ADAMTS6: variants seen among roughly 807,000 people sequenced by gnomAD.
ADAMTS6 encodes the protein A disintegrin and metalloproteinase with thrombospondin motifs 6.
A neutral mutation model predicts 144.3 loss-of-function variants in ADAMTS6; 23 were observed. The ratio of observed to expected loss-of-function variants is 0.16; its 90% CI spans 0.11 to 0.23. The LOEUF is 0.23. ADAMTS6 is among the 10% of genes least tolerant of loss of function. ADAMTS6 has a pLI of 1.00. For missense variants in ADAMTS6, 999 were observed against 1,379.6 expected, an observed-to-expected ratio of 0.72 and a Z score of 4.37; for synonymous variants, 444 against 457.5, an observed-to-expected ratio of 0.97 and a Z score of 0.38.
intron 10 of ADAMTS6, among the ~76,000 whole-genome samples, chr5:65,298,568 G>A (rs916307884): frequency 1.3e-4 from 20 of 152,168 alleles, no homozygotes; most frequent in Middle Eastern, 3.4e-3. Context: ...TATTAAGAAC[G>A]ACCAAAAGAT....
At chr5:65,354,367 A>G (rs890634246) in intron 7 of ADAMTS6, among the ~76,000 whole-genome samples, 1 of 151,754 alleles carries the variant, frequency 6.6e-6, no homozygotes, top group Non-Finnish European at 1.5e-5. Flanking sequence ...TGGGGAAAAT[A>G]ATGGCTACTA....
intron 9 of ADAMTS6, among the ~76,000 whole-genome samples, chr5:65,313,888 T>C (rs928706004): frequency 2.0e-5 from 3 of 152,214 alleles, no homozygotes; most frequent in East Asian, 1.9e-4. Flanking sequence ...TTAGCAATTA[T>C]TGACAGAATA....
chr5:65,234,078 C>CA (rs3078364), intron 15 of ADAMTS6, among the ~76,000 whole-genome samples: 2,199 of 90,104 alleles, frequency 0.024, 43 homozygotes, highest in African/African-American at 0.062. Flanking sequence ...TGGTCACGTG[C>CA]AAAAAAAAAA....
At chr5:65,336,032 G>A (rs1439639574) in intron 7 of ADAMTS6, among the ~76,000 whole-genome samples, 2 of 152,068 alleles carry the variant, frequency 1.3e-5, no homozygotes, top group African/African-American at 4.8e-5. Context: ...TCTGAAGAAC[G>A]ATGAGAATTT....
At chr5:65,226,255 G>A (rs746213302) in intron 15 of ADAMTS6, 36 bp from the exon 16 acceptor site, 5 of 1,601,664 alleles carry the variant, frequency 3.1e-6, no homozygotes, top group South Asian at 1.1e-5. Flanking sequence ...TAAGTGGAGT[G>A]GTTGTCCTAA....
intron 7 of ADAMTS6, among the ~76,000 whole-genome samples, chr5:65,435,417 A>G (rs1283598411): frequency 1.3e-5 from 2 of 152,120 alleles, no homozygotes; most frequent in Non-Finnish European, 2.9e-5. Flanking sequence ...CATCTGCTAA[A>G]TCTACATGGG....
rs569886769 is a variant in ADAMTS6, at chr5:65,262,817, G to A, written c.1766C>T (p.Ala589Val). Residue 589 changes from alanine to valine, a missense_variant and splice_region_variant, in exon 13 of 25, where the codon GCA (alanine) becomes GTA (valine). Ala to Val is a moderately conservative substitution (Grantham distance 64). Around this residue, in one of 3 missense-constraint regions of ADAMTS6, gnomAD observed 619 missense variants for 837.0 expected, o/e 0.74. Coordinates refer to ENST00000381055, the MANE Select transcript of ADAMTS6 (RefSeq NM_197941.4). ...SSSLRHCDSP[A>V]PSGGGKYCLG... ...GCTCCGGCTTACTTTAGCTACTTACGCTGGACTGTCACAGTGTCTTAGGGA... is the reference window on the plus strand; with the variant it reads ...GCTCCGGCTTACTTTAGCTACTTACACTGGACTGTCACAGTGTCTTAGGGA... 4 of 1,508,180 alleles carry A rather than the reference G, an allele frequency of 2.7e-6. No individual in the cohort carries two copies. The highest frequency in any genetic ancestry group is 2.4e-5 in the Admixed American group (1 of 41,866). The allele number at this position is 1,508,180 out of a possible 1,614,324, so 93.4% of individuals were successfully genotyped here.
intron 7 of ADAMTS6, among the ~76,000 whole-genome samples, chr5:65,430,087 A>T (rs1347130424): frequency 1.3e-5 from 2 of 152,066 alleles, no homozygotes; most frequent in African/African-American, 4.8e-5. Context: ...GATAATTGCA[A>T]CTATTATTAT....
intron 24 of ADAMTS6, among the ~76,000 whole-genome samples, chr5:65,160,309 CTTTTTTTT>C (rs796848986): frequency 7.2e-6 from 1 of 139,424 alleles, no homozygotes; most frequent in Non-Finnish European, 1.6e-5. Flanking sequence ...CTCCGACTTT[CTTTTTTTT>C]TTTTTTTTGA....
rs911461681 is a variant in ADAMTS6, at chr5:65,403,126, A to C, written c.1073+48349T>G. The stretch of plus-strand genomic sequence containing the variant: ...TCACAGTCATCTGATATAGATGATG[A>C]TGCTTTCCTCCTTGAAACAATTTTT... On this transcript the variant is annotated intron_variant, in intron 7 of 24. Transcript: ENST00000381055. Among the ~76,000 whole-genome samples, 13 of 152,254 alleles carry C rather than the reference A, an allele frequency of 8.5e-5. No homozygotes were observed. In the South Asian group the frequency reaches 1.7e-3, roughly 19 times the overall value.
intron 10 of ADAMTS6, among the ~76,000 whole-genome samples, chr5:65,299,388 A>G (rs570580211): frequency 6.6e-6 from 1 of 152,318 alleles, no homozygotes; most frequent in Admixed American, 6.5e-5. Flanking sequence ...GTGGAAGAAC[A>G]TCTGATTTTC....
intron 7 of ADAMTS6, among the ~76,000 whole-genome samples, chr5:65,416,931 A>T (rs547656145): frequency 6.6e-6 from 1 of 152,190 alleles, no homozygotes; most frequent in African/African-American, 2.4e-5. Flanking sequence ...ACAAAAAAAG[A>T]AAACTACAGA....
intron 7 of ADAMTS6, among the ~76,000 whole-genome samples, chr5:65,369,507 A>G (rs1348831100): frequency 6.6e-6 from 1 of 151,542 alleles, no homozygotes; most frequent in Non-Finnish European, 1.5e-5. Flanking sequence ...GTTCTTAGCT[A>G]GCTAAACCAT....
intron 9 of ADAMTS6, among the ~76,000 whole-genome samples, chr5:65,319,938 G>A (rs1253056724): frequency 6.6e-6 from 1 of 152,114 alleles, no homozygotes; most frequent in African/African-American, 2.4e-5. Context: ...CTGCCTCCTG[G>A]GTTCAAGTGA....
chr5:65,457,906 T>C (rs1759346528), intron 4 of ADAMTS6, among the ~76,000 whole-genome samples: 1 of 152,036 alleles, frequency 6.6e-6, no homozygotes, highest in Non-Finnish European at 1.5e-5. Context: ...TTTGTATTTT[T>C]AGTAGAGACG....
chr5:65,456,497 A>T (rs947911642), intron 4 of ADAMTS6, among the ~76,000 whole-genome samples: 8 of 152,144 alleles, frequency 5.3e-5, no homozygotes, highest in Non-Finnish European at 1.0e-4. Context: ...TTTTGTTCAT[A>T]GTACTTACTA....
At chr5:65,443,775 TAA>T (rs200291688) in intron 7 of ADAMTS6, among the ~76,000 whole-genome samples, 3 of 141,682 alleles carry the variant, frequency 2.1e-5, no homozygotes, top group African/African-American at 2.6e-5. Flanking sequence ...ATTCCTGATT[TAA>T]AAAAAAAAAA....
chr5:65,414,925 C>G (rs1245122297), intron 7 of ADAMTS6, among the ~76,000 whole-genome samples: 1 of 151,768 alleles, frequency 6.6e-6, no homozygotes, highest in Non-Finnish European at 1.5e-5. Context: ...TTGTATTAAG[C>G]AATGATTTCT....
chr5:65,407,463 T>C (rs1754634312), intron 7 of ADAMTS6, among the ~76,000 whole-genome samples: 1 of 151,174 alleles, frequency 6.6e-6, no homozygotes, highest in African/African-American at 2.4e-5. Flanking sequence ...GCATTAGGTA[T>C]ATCTCCTAAT....
Sources: gnomAD v4.1 joint callset for allele counts (sites outside exome capture counted in the v4.1 genomes callset) on GRCh38, gnomAD v4.1.1 for gene constraint, gnomAD v4.1.1 regional missense constraint, MANE v1.5 for transcripts, NCBI Gene and HGNC (gene_info 2026-07-23, HGNC 2026-07-21) for gene names.